FAAH2: variants seen among roughly 807,000 people sequenced by gnomAD.
The protein encoded by FAAH2 is fatty-acid amide hydrolase 2.
Under a neutral mutation model 36.9 loss-of-function variants are expected in FAAH2, and 60 were observed. The ratio of observed to expected loss-of-function variants is 1.63; its 90% CI spans 1.32 to 2.02. The LOEUF (loss-of-function observed/expected upper bound fraction) is 2.02, where lower values mean the gene tolerates loss of function less well. Ranked by LOEUF, FAAH2 falls within the 30% of genes most tolerant of loss-of-function variation. The pLI is 0.00. For synonymous variants in FAAH2, 214 were observed against 143.8 expected (o/e 1.49, Z -3.49); for missense variants, 689 against 397.5 (o/e 1.73, Z -6.23).
At chrX:57,242,440 T>TA in the FAAH2 span, among the ~76,000 whole-genome samples, 2 of 111,883 alleles carry the variant, frequency 1.8e-5, no homozygotes, top group African/African-American at 6.5e-5. Context: ...GAACCCCATT[T>TA]AAAAAAACCC....
intron 7 of FAAH2, among the ~76,000 whole-genome samples, chrX:57,385,981 G>T (rs186686688): frequency 9.1e-6 from 1 of 110,437 alleles, no homozygotes; most frequent in East Asian, 2.8e-4. Context: ...AAAATTATAC[G>T]TTATTTTTAA....
At chrX:57,134,395 G>T in the FAAH2 span, 1 of 111,597 alleles carries the variant, frequency 9.0e-6, no homozygotes, top group South Asian at 3.8e-4. Context: ...GCAGACACCA[G>T]CTTTGTGGGG....
intron 7 of FAAH2, among the ~76,000 whole-genome samples, chrX:57,382,013 T>G (rs1419315036): frequency 9.0e-6 from 1 of 111,598 alleles, no homozygotes; most frequent in Non-Finnish European, 1.9e-5. Context: ...AACTCAGGAT[T>G]AAGAAACTCG....
the FAAH2 span, among the ~76,000 whole-genome samples, chrX:57,199,404 A>G: frequency 2.7e-5 from 3 of 110,371 alleles, no homozygotes; most frequent in African/African-American, 9.9e-5. Context: ...CCAAATTTCT[A>G]TTGTTGATTT....
chrX:57,454,346 GA>G (rs1275306904), intron 10 of FAAH2, among the ~76,000 whole-genome samples: 3 of 112,093 alleles, frequency 2.7e-5, no homozygotes, highest in Non-Finnish European at 3.8e-5. Context: ...CACGGGTGAA[GA>G]AACATCAACC....
intron 7 of FAAH2, among the ~76,000 whole-genome samples, chrX:57,427,914 C>T (rs1321637088): frequency 9.0e-6 from 1 of 111,171 alleles, no homozygotes; most frequent in East Asian, 2.8e-4. Context: ...GGCAGTCAGG[C>T]AAGAGAAAGA....
intron 7 of FAAH2, among the ~76,000 whole-genome samples, chrX:57,417,080 G>T (rs1039193576): frequency 2.7e-5 from 3 of 111,862 alleles, no homozygotes; most frequent in Non-Finnish European, 5.6e-5. Flanking sequence ...AGCTCTGTCA[G>T]ATCATTTATG....
At position 57,293,185 on chromosome X, in the gene FAAH2, G is replaced by A. The variant is rs2052035579; in HGVS notation, c.275+605G>A. ...TTCATGTACCATCTTTAGGATTTTT[G>A]TCTTGTTTGCACGTCAGCTTTGTTG... is the stretch of plus-strand genomic sequence containing the variant. On this transcript the variant is annotated intron_variant, in intron 2 of 10. Transcript: ENST00000374900. Among the ~76,000 whole-genome samples the A allele has an allele frequency of 3.6e-5, 4 of 110,954 alleles. No individual in the cohort carries two copies. The South Asian group carries it at 1.5e-3, about 42-fold the overall frequency.
the FAAH2 span, among the ~76,000 whole-genome samples, chrX:57,201,317 G>T: frequency 9.1e-6 from 1 of 110,420 alleles, no homozygotes; most frequent in African/African-American, 3.3e-5. Flanking sequence ...TACTTGGGAG[G>T]CTGAGGCAGA....
At chrX:57,256,156 C>T in the FAAH2 span, among the ~76,000 whole-genome samples, 2 of 111,284 alleles carry the variant, frequency 1.8e-5, no homozygotes, top group Non-Finnish European at 3.8e-5. Context: ...AGATTATGAT[C>T]GAACTCCCAT....
intron 7 of FAAH2, among the ~76,000 whole-genome samples, chrX:57,421,254 A>T (rs897225654): frequency 9.0e-6 from 1 of 111,162 alleles, no homozygotes; most frequent in Non-Finnish European, 1.9e-5. Flanking sequence ...GACCAGCCTA[A>T]CCAACATGGT....
intron 7 of FAAH2, among the ~76,000 whole-genome samples, chrX:57,384,514 G>A (rs1202206969): frequency 1.8e-5 from 2 of 110,308 alleles, no homozygotes; most frequent in Non-Finnish European, 3.8e-5. Flanking sequence ...AGTGGGCAAA[G>A]GATATGAACA....
the FAAH2 span, among the ~76,000 whole-genome samples, chrX:57,149,128 G>A: frequency 9.0e-6 from 1 of 111,614 alleles, no homozygotes. Context: ...TGGTGGATAA[G>A]CTTTTTGATG....
intron 5 of FAAH2, among the ~76,000 whole-genome samples, chrX:57,360,391 A>G (rs947284785): frequency 9.1e-6 from 1 of 109,502 alleles, no homozygotes; most frequent in African/African-American, 3.3e-5. Context: ...CTCATCTGAG[A>G]TGAAAATTTT....
chrX:57,440,774 C>T (rs1281095033), intron 8 of FAAH2, among the ~76,000 whole-genome samples: 1 of 111,263 alleles, frequency 9.0e-6, no homozygotes, highest in Non-Finnish European at 1.9e-5. Context: ...GAGACACGTG[C>T]CATCAATACC....
At position 57,381,048 on chromosome X, in the gene FAAH2, T is replaced by A; in HGVS notation, c.996+19T>A. ...GAAAAAGGTAATTTTAAATAAAATT[T>A]GTTTAGGAATTATTTTTAGTCAAAG... On this transcript the variant is annotated intron_variant, in intron 7 of 10. Coordinates refer to ENST00000374900, the MANE Select transcript of FAAH2 (RefSeq NM_174912.4). 2 of 1,093,116 alleles carry A rather than the reference T, an allele frequency of 1.8e-6. No homozygotes were observed. The highest frequency in any genetic ancestry group is 1.3e-6 in the Non-Finnish European group (1 of 799,207). The allele number at this position is 1,093,116 out of a possible 1,213,427, so 90.1% of individuals were successfully genotyped here. A position where few individuals can be genotyped will look rare whatever the true frequency, so the allele number is the denominator to read the frequency against.
chrX:57,387,033 A>G (rs2055042407), intron 7 of FAAH2, among the ~76,000 whole-genome samples: 1 of 112,508 alleles, frequency 8.9e-6, no homozygotes, highest in Non-Finnish European at 1.9e-5. Context: ...ACAAGGATCT[A>G]TACTACTGTT....
the FAAH2 span, among the ~76,000 whole-genome samples, chrX:57,281,369 A>C: frequency 7.2e-5 from 8 of 111,741 alleles, no homozygotes; most frequent in African/African-American, 2.6e-4. Flanking sequence ...CTATTGTGTT[A>C]CACTTATTAA....
chrX:57,141,791 T>C, the FAAH2 span, among the ~76,000 whole-genome samples: 1 of 111,538 alleles, frequency 9.0e-6, no homozygotes, highest in Non-Finnish European at 1.9e-5. Context: ...TTTTCTTTTT[T>C]TTAAATGTTA....
Sources: gnomAD v4.1 joint callset for allele counts (sites outside exome capture counted in the v4.1 genomes callset) on GRCh38, gnomAD v4.1.1 for gene constraint, MANE v1.5 for transcripts, NCBI Gene and HGNC (gene_info 2026-07-23, HGNC 2026-07-21) for gene names.